The following ATXN7 variants were observed in gnomAD, a reference collection of about 807,000 sequenced individuals.
The protein encoded by ATXN7 is ataxin 7.
ATXN7 carries 12 observed loss-of-function variants against 70.5 expected under a neutral mutation model. That is an observed-to-expected ratio of 0.17 (90% confidence interval 0.11 to 0.28). The LOEUF is 0.28. Ranked by LOEUF, ATXN7 falls within the 10% of genes least tolerant of loss-of-function variation. ATXN7 has a pLI of 1.00. For missense variants in ATXN7, 1,256 were observed against 1,131.7 expected, an observed-to-expected ratio of 1.11 and a Z score of -1.58; for synonymous variants, 498 against 448.7, an observed-to-expected ratio of 1.11 and a Z score of -1.39.
chr3:63,999,340 A>G lies in ATXN7; in HGVS notation c.2662-110A>G, dbSNP rs919843794. On this transcript the variant is annotated intron_variant, in intron 12 of 12. Transcript: ENST00000674280. ...TCCTGGTGTCACTCAGTCAATGGAG[A>G]CTTTAGTAGCGTGCAGCCTTTGGAA... The G allele has an allele frequency of 3.4e-5, 30 of 880,818 alleles. No individual in the cohort carries two copies. The Admixed American group carries it at 5.9e-4, about 17-fold the overall frequency. 54.6% of individuals were successfully genotyped at this position (880,818 alleles called of 1,614,324 possible).
At chr3:63,866,588 A>G (rs555908544) in intron 1 of ATXN7, among the ~76,000 whole-genome samples, 1 of 152,302 alleles carries the variant, frequency 6.6e-6, no homozygotes, top group Admixed American at 6.5e-5. Context: ...TGGGAAACAC[A>G]TAATTTGAGC....
intron 8 of ATXN7, among the ~76,000 whole-genome samples, chr3:63,984,940 T>A (rs190778880): frequency 5.3e-5 from 8 of 152,346 alleles, no homozygotes; most frequent in African/African-American, 1.9e-4. Context: ...ACCTCATACT[T>A]GTTGTAGCAT....
chr3:63,888,985 A>G (rs1302197494), intron 1 of ATXN7, among the ~76,000 whole-genome samples: 1 of 152,204 alleles, frequency 6.6e-6, no homozygotes, highest in Non-Finnish European at 1.5e-5. Flanking sequence ...TTTTAAAAGA[A>G]TATGATAAAA....
chr3:63,957,006 CTG>C (rs1242343806), intron 5 of ATXN7, among the ~76,000 whole-genome samples: 1 of 152,154 alleles, frequency 6.6e-6, no homozygotes, highest in Non-Finnish European at 1.5e-5. Context: ...ATAGCATAAA[CTG>C]TGTAGTACTA....
intron 5 of ATXN7, among the ~76,000 whole-genome samples, chr3:63,955,038 GTCTT>G (rs2075018249): frequency 6.6e-6 from 1 of 152,066 alleles, no homozygotes; most frequent in South Asian, 2.1e-4. Flanking sequence ...ACATTTTTCT[GTCTT>G]TCTCCTTTCC....
intron 5 of ATXN7, among the ~76,000 whole-genome samples, chr3:63,976,595 A>AT (rs2075392134): frequency 6.6e-6 from 1 of 152,208 alleles, no homozygotes; most frequent in East Asian, 1.9e-4. Flanking sequence ...TTTCTAGTGG[A>AT]ATTCCATATT....
chr3:63,957,403 A>G lies in ATXN7; in HGVS notation c.499+4920A>G, dbSNP rs2075058209. ...AGGTTGGAGCAGCCACTTTTTCCCA[A>G]CCTTAATCAAGTGCTGGTTTTATCA... On this transcript the variant is annotated intron_variant, in intron 5 of 12. Coordinates refer to ENST00000674280, the MANE Select transcript of ATXN7 (RefSeq NM_001377405.1). Among the ~76,000 whole-genome samples the G allele has an allele frequency of 2.6e-5, 4 of 152,136 alleles. No individual in the cohort carries two copies. The South Asian group carries it at 6.2e-4, about 24-fold the overall frequency.
In ATXN7 at chr3:63,980,018, T is replaced by C. The variant is rs775083029; in HGVS notation, c.603T>C (p.Ser201=). 1.9e-6 allele frequency: 3 copies of C among 1,614,202 alleles called. No individual in the cohort carries two copies. In the South Asian group the frequency reaches 3.3e-5, roughly 18 times the overall value. Residue 201 remains serine, a synonymous_variant, in exon 6 of 13, where the codon AGT becomes AGC. Transcript: ENST00000674280. ...CCAAAAGCAAAGGAGGCAGTGCAAG[T>C]GGAAGCAACCGTTCTTCCAGTGGAG... ...SLSKSKGGSA[S]GSNRSSSGGV... is the part of the protein sequence containing the mutation.
intron 5 of ATXN7, among the ~76,000 whole-genome samples, chr3:63,973,388 A>G (rs538212553): frequency 1.3e-3 from 191 of 152,042 alleles, no homozygotes; most frequent in Non-Finnish European, 1.3e-3. Flanking sequence ...TACCCTATTG[A>G]GCAGGTGTTT....
At chr3:63,978,421 A>C (rs1316459705) in intron 5 of ATXN7, among the ~76,000 whole-genome samples, 1 of 152,200 alleles carries the variant, frequency 6.6e-6, no homozygotes, top group Non-Finnish European at 1.5e-5. Context: ...GCAGGTGACA[A>C]AACTGCAAAC....
At chr3:63,998,129 T>G in intron 12 of ATXN7, 1 of 982,986 alleles carries the variant, frequency 1.0e-6, no homozygotes, top group Non-Finnish European at 1.2e-6. Context: ...CACATCTGTA[T>G]TAGTGAGCAC....
chr3:63,929,666 C>T (rs115620827), intron 4 of ATXN7, among the ~76,000 whole-genome samples: 1,598 of 152,162 alleles, frequency 0.011, 37 homozygotes, highest in Admixed American at 0.041. Context: ...TTGATCTGAC[C>T]TCTCATTCTT....
At chr3:63,984,381 A>G (rs1055587338) in intron 8 of ATXN7, among the ~76,000 whole-genome samples, 2 of 152,110 alleles carry the variant, frequency 1.3e-5, no homozygotes, top group Non-Finnish European at 1.5e-5. Context: ...TAGGGTACTA[A>G]TTGGACACAC....
At chr3:63,997,707 T>G in intron 12 of ATXN7, 1 of 1,547,580 alleles carries the variant, frequency 6.5e-7, no homozygotes. Flanking sequence ...TTTTTCATGA[T>G]TTTTTTTCCC....
intron 1 of ATXN7, among the ~76,000 whole-genome samples, chr3:63,874,768 G>T (rs1156284193): frequency 6.6e-6 from 1 of 152,194 alleles, no homozygotes; most frequent in Non-Finnish European, 1.5e-5. Flanking sequence ...GGCCTCATTT[G>T]AGTAATGTTC....
intron 1 of ATXN7, among the ~76,000 whole-genome samples, chr3:63,892,288 A>C (rs1703291783): frequency 6.6e-6 from 1 of 151,952 alleles, no homozygotes; most frequent in Admixed American, 6.6e-5. Flanking sequence ...ATAGGAGATT[A>C]ACGTTCCCCT....
At chr3:63,928,461 T>G (rs1704804686) in intron 4 of ATXN7, among the ~76,000 whole-genome samples, 1 of 152,170 alleles carries the variant, frequency 6.6e-6, no homozygotes, top group Admixed American at 6.5e-5. Flanking sequence ...CTTAAAAAAT[T>G]AAGCATCTTA....
intron 5 of ATXN7, among the ~76,000 whole-genome samples, chr3:63,964,298 C>A (rs777454190): frequency 1.3e-5 from 2 of 152,080 alleles, no homozygotes; most frequent in Non-Finnish European, 2.9e-5. Flanking sequence ...AGGAAGAAAT[C>A]TCATTCTCTT....
At position 63,999,669 on chromosome 3, in the gene ATXN7, A is replaced by G; in HGVS notation, c.*202A>G. On this transcript the variant is annotated 3_prime_UTR_variant, in exon 13 of 13. Coordinates refer to ENST00000674280, the MANE Select transcript of ATXN7 (RefSeq NM_001377405.1). ...CTCTAGCAGTGAGTACTCATAAAGG[A>G]CACTGGATCAAGTTCAGCCACCGAA... 4.4e-6 allele frequency: 4 copies of G among 904,224 alleles called. No homozygotes were observed. In the South Asian group the frequency reaches 5.9e-5, roughly 13 times the overall value. 56.0% of individuals were successfully genotyped at this position (904,224 alleles called of 1,614,324 possible).
Sources: gnomAD v4.1 joint callset for allele counts (sites outside exome capture counted in the v4.1 genomes callset) on GRCh38, gnomAD v4.1.1 for gene constraint, MANE v1.5 for transcripts, NCBI Gene and HGNC (gene_info 2026-07-23, HGNC 2026-07-21) for gene names.